The following PTPN21 variants were observed in gnomAD, a reference collection of about 807,000 sequenced individuals.
PTPN21 encodes the protein protein tyrosine phosphatase non-receptor type 21.
A neutral mutation model predicts 131.8 loss-of-function variants in PTPN21; 77 were observed. The ratio of observed to expected loss-of-function variants is 0.58; its 90% CI spans 0.49 to 0.71. PTPN21 has a LOEUF of 0.71. PTPN21 is among the 30% of genes least tolerant of loss of function. The probability of loss-of-function intolerance (pLI) is 0.00; values close to 1 mark genes in which losing one functional copy is unlikely to be tolerated. For synonymous variants in PTPN21, 715 were observed against 621.3 expected, an observed-to-expected ratio of 1.15 and a Z score of -2.24; for missense variants, 1,552 against 1,527.1, an observed-to-expected ratio of 1.02 and a Z score of -0.27.
At chr14:88,520,508 T>C (rs1327485266) in intron 2 of PTPN21, among the ~76,000 whole-genome samples, 1 of 152,234 alleles carries the variant, frequency 6.6e-6, no homozygotes, top group East Asian at 1.9e-4. Context: ...CCATTGTTAA[T>C]TATATTCTGA....
chr14:88,524,610 CA>C (rs1555388856), intron 2 of PTPN21, among the ~76,000 whole-genome samples: 3 of 152,096 alleles, frequency 2.0e-5, no homozygotes, highest in Non-Finnish European at 4.4e-5. Flanking sequence ...AAACTTATTT[CA>C]AAATTACAAA....
rs200485945 is a variant in PTPN21, at chr14:88,489,503, C to G, written c.933-3661G>C. On this transcript the variant is annotated intron_variant, in intron 10 of 18. Transcript: ENST00000556564. ...AAACTAAAAAAAAAAATTAGCCAGG[C>G]ATGGTGGCACACGCTTATAATCCTG... Among the ~76,000 whole-genome samples the G allele has an allele frequency of 2.0e-5, 3 of 152,026 alleles. No individual in the cohort carries two copies. In the East Asian group the frequency reaches 5.8e-4, roughly 29 times the overall value.
intron 2 of PTPN21, among the ~76,000 whole-genome samples, chr14:88,539,934 C>T (rs1043837441): frequency 3.3e-5 from 5 of 152,158 alleles, no homozygotes; most frequent in South Asian, 2.1e-4. Flanking sequence ...CATAAAAACA[C>T]AGGCGAATCA....
chr14:88,505,393 C>G (rs201574612), intron 4 of PTPN21, 22 bp from the exon 5 acceptor site: 2 of 1,527,888 alleles, frequency 1.3e-6, no homozygotes, highest in African/African-American at 2.7e-5. Context: ...GACAAACATT[C>G]ACGTTAATTA....
At chr14:88,546,437 A>G (rs1038765096) in intron 2 of PTPN21, among the ~76,000 whole-genome samples, 1 of 151,834 alleles carries the variant, frequency 6.6e-6, no homozygotes, top group Non-Finnish European at 1.5e-5. Context: ...TTAGCCGGGC[A>G]TGGTGGTAGG....
At chr14:88,522,036 A>G (rs1057223595) in intron 2 of PTPN21, among the ~76,000 whole-genome samples, 7 of 152,228 alleles carry the variant, frequency 4.6e-5, no homozygotes, top group Non-Finnish European at 7.3e-5. Flanking sequence ...GAACAAATAC[A>G]TTTGTTGAAA....
At chr14:88,489,338 A>T (rs73315944) in intron 10 of PTPN21, among the ~76,000 whole-genome samples, 5,622 of 152,268 alleles carry the variant, frequency 0.037, 352 homozygotes, top group African/African-American at 0.13. Context: ...ATGCCATTGA[A>T]AGCTCATGCA....
intron 2 of PTPN21, among the ~76,000 whole-genome samples, chr14:88,529,734 C>T (rs1306891045): frequency 3.3e-5 from 5 of 152,228 alleles, no homozygotes. Flanking sequence ...GTAATCCCAG[C>T]ACTTTAGGAG....
intron 3 of PTPN21, among the ~76,000 whole-genome samples, chr14:88,509,097 C>A (rs994218597): frequency 4.0e-5 from 6 of 150,258 alleles, no homozygotes; most frequent in African/African-American, 1.5e-4. Flanking sequence ...AGCCGGCTAA[C>A]AGCAGCTCTT....
chr14:88,509,582 C>A (rs1269916709), intron 3 of PTPN21, among the ~76,000 whole-genome samples: 1 of 152,192 alleles, frequency 6.6e-6, no homozygotes, highest in Non-Finnish European at 1.5e-5. Flanking sequence ...GGGATGCTGG[C>A]AGTTCTGGGA....
rs539479918 is a variant in PTPN21, at chr14:88,517,745, G to A, written c.181-484C>T. 1.0e-4 allele frequency among the ~76,000 whole-genome samples: 11 copies of A among 105,546 alleles called. No individual in the cohort carries two copies. The East Asian group carries it at 3.1e-3, about 30-fold the overall frequency. The allele number at this position is 105,546 out of a possible 152,430, so 69.2% of individuals were successfully genotyped here. A position where few individuals can be genotyped will look rare whatever the true frequency, so the allele number is the denominator to read the frequency against. On this transcript the variant is annotated intron_variant, in intron 2 of 18. Coordinates refer to ENST00000556564, the MANE Select transcript of PTPN21 (RefSeq NM_007039.4). ...GTGTATATATACTATATATACACGT[G>A]TGTATATACTAGTGTATATACACTA... is the stretch of plus-strand genomic sequence containing the variant.
intron 2 of PTPN21, among the ~76,000 whole-genome samples, chr14:88,549,866 G>T (rs1229232475): frequency 6.6e-6 from 1 of 151,544 alleles, no homozygotes; most frequent in African/African-American, 2.4e-5. Flanking sequence ...ACATTCAAGC[G>T]ATTCTCCTGT....
At chr14:88,551,346 C>T (rs993739713) in intron 1 of PTPN21, 11 of 152,248 alleles carry the variant, frequency 7.2e-5, no homozygotes, top group African/African-American at 2.4e-4. Context: ...GGGAGGCGGG[C>T]GAGGTCTTCC....
At chr14:88,537,776 A>C (rs995820111) in intron 2 of PTPN21, among the ~76,000 whole-genome samples, 4 of 152,176 alleles carry the variant, frequency 2.6e-5, no homozygotes, top group African/African-American at 9.7e-5. Context: ...TTGTGTGAAC[A>C]TTATGGAGTG....
chr14:88,546,889 G>A (rs887091118), intron 2 of PTPN21, among the ~76,000 whole-genome samples: 2 of 152,176 alleles, frequency 1.3e-5, no homozygotes, highest in Admixed American at 6.5e-5. Flanking sequence ...ACAGAGCAGA[G>A]CTTCTGGGGC....
intron 14 of PTPN21, among the ~76,000 whole-genome samples, chr14:88,473,443 G>A (rs1177719170): frequency 6.6e-6 from 1 of 152,076 alleles, no homozygotes; most frequent in Non-Finnish European, 1.5e-5. Flanking sequence ...AAAGAACACT[G>A]AGAAACAAAC....
chr14:88,495,408 C>T (rs938358293), intron 10 of PTPN21, among the ~76,000 whole-genome samples: 2 of 152,186 alleles, frequency 1.3e-5, no homozygotes, highest in Non-Finnish European at 2.9e-5. Context: ...CGCCTGTAAT[C>T]CCAGCACTTT....
chr14:88,497,159 C>A (rs910171765), intron 9 of PTPN21, 44 bp downstream of exon 9: 7 of 1,482,842 alleles, frequency 4.7e-6, no homozygotes, highest in Non-Finnish European at 6.6e-6. Context: ...AACTTGTTAA[C>A]TTTTAGGAAA....
rs373284429 is a variant in PTPN21 at position 88,496,468 on chromosome 14, T to C, written c.877A>G (p.Ile293Val). 104 of 1,613,972 alleles carry C rather than the reference T, an allele frequency of 6.4e-5. No homozygotes were observed. In the Middle Eastern group the frequency reaches 8.3e-4, roughly 13 times the overall value. ...TGTCGCGCAACACAGAGTCTCCAAA[T>C]GTATTTTGCTGTTTCCATGTCTTCC... Reference protein sequence around the residue: ...QTEDMETAKYIWRLCVARHKF... With the variant: ...QTEDMETAKYVWRLCVARHKF... Residue 293 changes from isoleucine (I) to valine (V), a missense_variant, in exon 10 of 19, where the codon ATT (isoleucine) becomes GTT (valine). Ile to Val is a conservative substitution (Grantham distance 29). Transcript: ENST00000556564.
Sources: gnomAD v4.1 joint callset for allele counts (sites outside exome capture counted in the v4.1 genomes callset) on GRCh38, gnomAD v4.1.1 for gene constraint, MANE v1.5 for transcripts, NCBI Gene and HGNC (gene_info 2026-07-23, HGNC 2026-07-21) for gene names.